SNX30: variants seen among roughly 807,000 people sequenced by gnomAD.
SNX30 encodes the protein sorting nexin family member 30.
Under a neutral mutation model 46.4 loss-of-function variants are expected in SNX30, and 24 were observed. That is an observed-to-expected ratio of 0.52 (90% CI 0.37 to 0.73). SNX30 has a LOEUF of 0.73. Ranked by LOEUF, SNX30 falls within the 30% of genes least tolerant of loss-of-function variation. The probability of loss-of-function intolerance (pLI) is 0.00; values close to 1 mark genes in which losing one functional copy is unlikely to be tolerated. For missense variants in SNX30, 533 were observed against 555.7 expected (o/e 0.96, Z 0.41); for synonymous variants, 189 against 211.5 (o/e 0.89, Z 0.92).
chr9:112,882,162 A>G (rs1047751412), downstream of SNX30, among the ~76,000 whole-genome samples: 1 of 152,182 alleles, frequency 6.6e-6, no homozygotes, highest in South Asian at 2.1e-4. Context: ...GCTGAAGCAC[A>G]GTGTCATGAT....
At chr9:112,793,512 T>C (rs998326271) in intron 1 of SNX30, among the ~76,000 whole-genome samples, 1 of 152,240 alleles carries the variant, frequency 6.6e-6, no homozygotes, top group South Asian at 2.1e-4. Flanking sequence ...ATTGCCCCAC[T>C]GCCAAACCTT....
chr9:112,882,138 GCTCTGTCA>G (rs1388907029), downstream of SNX30, among the ~76,000 whole-genome samples: 2 of 152,070 alleles, frequency 1.3e-5, no homozygotes, highest in Non-Finnish European at 2.9e-5. Context: ...ACAGAGTCTT[GCTCTGTCA>G]CCCAGGCTGA....
chr9:112,827,707 T>A (rs189702920), intron 3 of SNX30, among the ~76,000 whole-genome samples: 1 of 152,332 alleles, frequency 6.6e-6, no homozygotes. Context: ...TTTATAATTT[T>A]AAAAAATCCT....
At chr9:112,773,487 T>C (rs1839686299) in intron 1 of SNX30, among the ~76,000 whole-genome samples, 1 of 152,090 alleles carries the variant, frequency 6.6e-6, no homozygotes, top group Non-Finnish European at 1.5e-5. Flanking sequence ...ACTCCTGGGC[T>C]CAAGCAATCT....
intron 1 of SNX30, among the ~76,000 whole-genome samples, chr9:112,797,336 G>A (rs562994598): frequency 6.6e-6 from 1 of 152,130 alleles, no homozygotes; most frequent in South Asian, 2.1e-4. Flanking sequence ...TTTTAAAAAC[G>A]TCATAGAAAA....
chr9:112,775,896 C>T (rs1839740306), intron 1 of SNX30, among the ~76,000 whole-genome samples: 1 of 151,556 alleles, frequency 6.6e-6, no homozygotes, highest in South Asian at 2.1e-4. Flanking sequence ...AGATCTTCCT[C>T]CCCACTAGTT....
intron 6 of SNX30, among the ~76,000 whole-genome samples, chr9:112,848,269 C>T (rs977439321): frequency 6.6e-6 from 1 of 151,996 alleles, no homozygotes; most frequent in Non-Finnish European, 1.5e-5. Context: ...TACCCCACTG[C>T]CGGCTCGGGC....
Position 112,856,300 on chromosome 9 carries a change from G to A in SNX30, c.1101+5355G>A, listed in dbSNP as rs553585689. Among the ~76,000 whole-genome samples the A allele has an allele frequency of 3.8e-4, 56 of 147,578 alleles. 2 individuals carry two copies. In the South Asian group the frequency reaches 0.012, roughly 32 times the overall value. On this transcript the variant is annotated intron_variant, in intron 7 of 8. Coordinates refer to ENST00000374232, the MANE Select transcript of SNX30 (RefSeq NM_001012994.2). ...CGTGTGGAGGGGACCTGGGGTGTCG[G>A]TGTTGGGGGGCTGGCCTGTGGTGTG...
intron 8 of SNX30, among the ~76,000 whole-genome samples, chr9:112,865,759 GTA>G (rs201418073): frequency 1.2e-4 from 17 of 142,258 alleles, no homozygotes; most frequent in East Asian, 4.2e-4. Flanking sequence ...GTGTGTGTGT[GTA>G]TGTATGTATG....
intron 1 of SNX30, among the ~76,000 whole-genome samples, chr9:112,777,805 T>A (rs1839774403): frequency 6.6e-6 from 1 of 152,138 alleles, no homozygotes; most frequent in Admixed American, 6.5e-5. Context: ...GGTTGCTATG[T>A]GCCACGCATT....
intron 1 of SNX30, among the ~76,000 whole-genome samples, chr9:112,754,775 A>G (rs1839323812): frequency 6.6e-6 from 1 of 152,096 alleles, no homozygotes; most frequent in African/African-American, 2.4e-5. Flanking sequence ...TTTCATCTGT[A>G]AATTGCTCCA....
At chr9:112,766,954 A>T (rs1839548419) in intron 1 of SNX30, among the ~76,000 whole-genome samples, 1 of 152,106 alleles carries the variant, frequency 6.6e-6, no homozygotes, top group Non-Finnish European at 1.5e-5. Flanking sequence ...CTTCTTTTGG[A>T]TATGGATATA....
chr9:112,859,152 C>G (rs1405329102), intron 7 of SNX30, among the ~76,000 whole-genome samples: 2 of 152,122 alleles, frequency 1.3e-5, no homozygotes, highest in African/African-American at 4.8e-5. Context: ...TTTGACCATT[C>G]TAGATACCTC....
At chr9:112,855,627 G>A (rs142037634) in intron 7 of SNX30, among the ~76,000 whole-genome samples, 380 of 152,252 alleles carry the variant, frequency 2.5e-3, no homozygotes, top group Non-Finnish European at 4.1e-3. Context: ...CACGTGCTGA[G>A]GGCAGAGGAT....
At chr9:112,849,852 C>A (rs1409041165) in intron 6 of SNX30, among the ~76,000 whole-genome samples, 1 of 152,164 alleles carries the variant, frequency 6.6e-6, no homozygotes, top group Non-Finnish European at 1.5e-5. Context: ...ACTTTCATAG[C>A]AATTTATTTC....
intron 7 of SNX30, among the ~76,000 whole-genome samples, chr9:112,859,377 T>A (rs1456926126): frequency 6.6e-6 from 1 of 152,208 alleles, no homozygotes; most frequent in East Asian, 1.9e-4. Context: ...TCTGTGTTGC[T>A]TTCATCTTTG....
intron 3 of SNX30, among the ~76,000 whole-genome samples, chr9:112,822,666 T>C (rs1035833464): frequency 2.0e-5 from 3 of 152,052 alleles, no homozygotes; most frequent in Admixed American, 2.0e-4. Context: ...TTCCCCCTTA[T>C]TTGTGGTTTT....
chr9:112,838,550 C>T lies in SNX30; in HGVS notation c.867C>T (p.Ala289=). The T allele has an allele frequency of 6.2e-7, 1 of 1,614,166 alleles. No homozygotes were observed. Among genetic ancestry groups the T allele is most frequent in the Non-Finnish European group, 8.5e-7 (1 of 1,180,028 alleles). The change falls in exon 6 of 9, where the codon GCC becomes GCT. Residue 289 remains alanine, a synonymous_variant. Transcript: ENST00000374232. ...EYGPVYSTWS[A]LEGELAEPLE... is the part of the protein sequence containing the mutation. ...GGCCTGTGTACTCCACATGGAGCGC[C>T]TTGGAGGGTGAGCTGGCTGAACCCC...
rs557722372 is a variant in SNX30 at position 112,763,780 on chromosome 9, T to G, written c.156+12623T>G. On this transcript the variant is annotated intron_variant, in intron 1 of 8. Coordinates refer to ENST00000374232, the MANE Select transcript of SNX30 (RefSeq NM_001012994.2). ...AGGAGAATCGCTTGAACCAGGGAGT[T>G]GGAGATTGCAGTGAGCCAAGATTGT... 4.2e-3 allele frequency among the ~76,000 whole-genome samples: 629 copies of G among 150,848 alleles called. 6 individuals are homozygous for G. Among genetic ancestry groups the G allele is most frequent in the African/African-American group, 0.014 (580 of 41,018 alleles).
Sources: gnomAD v4.1 joint callset for allele counts (sites outside exome capture counted in the v4.1 genomes callset) on GRCh38, gnomAD v4.1.1 for gene constraint, MANE v1.5 for transcripts, NCBI Gene and HGNC (gene_info 2026-07-23, HGNC 2026-07-21) for gene names.